NALF1: variants seen among roughly 807,000 people sequenced by gnomAD.
NALF1 encodes NALCN channel auxiliary factor 1, also known as family with sequence similarity 155 member A.
NALF1 carries 3 observed loss-of-function variants against 48.4 expected under a neutral mutation model. The ratio of observed to expected loss-of-function variants is 0.06; its 90% confidence interval spans 0.03 to 0.16. NALF1 has a LOEUF of 0.16. Ranked by LOEUF, NALF1 falls within the 10% of genes least tolerant of loss-of-function variation. The pLI is 1.00. For synonymous variants in NALF1, 262 were observed against 245.7 expected (o/e 1.07, Z -0.62); for missense variants, 526 against 571.5 (o/e 0.92, Z 0.81).
intron 1 of NALF1, among the ~76,000 whole-genome samples, chr13:107,499,695 G>A (rs1043248221): frequency 2.6e-5 from 4 of 151,940 alleles, no homozygotes; most frequent in Non-Finnish European, 4.4e-5. Flanking sequence ...AAGACCCAAG[G>A]GAAAAAATAA....
chr13:107,716,550 G>A (rs145094674), intron 1 of NALF1, among the ~76,000 whole-genome samples: 15 of 152,272 alleles, frequency 9.9e-5, no homozygotes, highest in Admixed American at 2.0e-4. Context: ...CTTTCTCTTC[G>A]CTGTCCATGT....
chr13:107,388,909 C>T (rs1883574454), intron 1 of NALF1, among the ~76,000 whole-genome samples: 1 of 152,100 alleles, frequency 6.6e-6, no homozygotes. Context: ...TAATACATTA[C>T]ACATTCATGT....
intron 1 of NALF1, among the ~76,000 whole-genome samples, chr13:107,426,038 C>T (rs967893869): frequency 6.6e-6 from 1 of 152,024 alleles, no homozygotes; most frequent in Non-Finnish European, 1.5e-5. Context: ...CATCTTTTTC[C>T]TCAGGACCTT....
At chr13:107,809,049 C>T (rs1026453997) in intron 1 of NALF1, among the ~76,000 whole-genome samples, 40 of 152,150 alleles carry the variant, frequency 2.6e-4, no homozygotes, top group African/African-American at 7.7e-4. Context: ...AAACAACTCA[C>T]TCTAGAAATC....
At chr13:107,193,916 T>TGTATTTATAAATCC (rs1215044868) in intron 2 of NALF1, among the ~76,000 whole-genome samples, 1 of 145,464 alleles carries the variant, frequency 6.9e-6, no homozygotes, top group Non-Finnish European at 1.5e-5. Context: ...GAGAGAGAGC[T>TGTATTTATAAATCC]GTATTTATAA....
intron 1 of NALF1, among the ~76,000 whole-genome samples, chr13:107,523,767 T>C (rs16970584): frequency 0.22 from 33,534 of 151,874 alleles, 3,876 homozygotes; most frequent in East Asian, 0.37. Context: ...CAAATTATTT[T>C]GGTTTGAATT....
At chr13:107,734,481 T>C (rs1364617508) in intron 1 of NALF1, among the ~76,000 whole-genome samples, 2 of 152,028 alleles carry the variant, frequency 1.3e-5, no homozygotes, top group East Asian at 3.9e-4. Context: ...CATGAAAATA[T>C]ATTTACTTTC....
intron 1 of NALF1, among the ~76,000 whole-genome samples, chr13:107,255,247 A>G (rs4492919): frequency 0.11 from 17,431 of 152,128 alleles, 1,180 homozygotes; most frequent in African/African-American, 0.17. Flanking sequence ...CCGCTTTGCT[A>G]CCTCTTTGTT....
At chr13:107,484,285 A>G (rs77657665) in intron 1 of NALF1, among the ~76,000 whole-genome samples, 221 of 152,266 alleles carry the variant, frequency 1.5e-3, no homozygotes, top group African/African-American at 4.8e-3. Flanking sequence ...AAATTGAACT[A>G]GTTTTGTGTC....
intron 1 of NALF1, among the ~76,000 whole-genome samples, chr13:107,360,320 C>T (rs1883039371): frequency 6.6e-6 from 1 of 152,110 alleles, no homozygotes; most frequent in Non-Finnish European, 1.5e-5. Context: ...CTCAGATCCC[C>T]AAAGAATTCA....
intron 1 of NALF1, among the ~76,000 whole-genome samples, chr13:107,482,293 C>T (rs539224665): frequency 6.6e-6 from 1 of 152,204 alleles, no homozygotes; most frequent in African/African-American, 2.4e-5. Flanking sequence ...GACTTGCCCA[C>T]CCTCACAGTG....
intron 1 of NALF1, among the ~76,000 whole-genome samples, chr13:107,324,120 T>C (rs1882305887): frequency 6.6e-6 from 1 of 152,150 alleles, no homozygotes; most frequent in African/African-American, 2.4e-5. Flanking sequence ...ATATTTTCTC[T>C]AGAAATTTTT....
chr13:107,615,515 C>T (rs1216378505), intron 1 of NALF1, among the ~76,000 whole-genome samples: 3 of 152,194 alleles, frequency 2.0e-5, no homozygotes, highest in African/African-American at 7.2e-5. Context: ...GCACCTATGG[C>T]CTATAAGATG....
intron 1 of NALF1, among the ~76,000 whole-genome samples, chr13:107,816,801 G>T (rs527556155): frequency 6.6e-6 from 1 of 152,048 alleles, no homozygotes; most frequent in East Asian, 1.9e-4. Flanking sequence ...TTCTTTTCAT[G>T]CGGAGTGTGT....
intron 1 of NALF1, among the ~76,000 whole-genome samples, chr13:107,671,422 G>C (rs935543150): frequency 6.6e-6 from 1 of 151,974 alleles, no homozygotes; most frequent in Non-Finnish European, 1.5e-5. Flanking sequence ...GAATGAAAAA[G>C]AGTCAGATCT....
intron 1 of NALF1, among the ~76,000 whole-genome samples, chr13:107,224,621 G>A (rs879379408): frequency 2.8e-4 from 43 of 152,118 alleles, no homozygotes; most frequent in Middle Eastern, 3.4e-3. Flanking sequence ...GTGTTTTGCC[G>A]TGCTGACTGC....
intron 1 of NALF1, among the ~76,000 whole-genome samples, chr13:107,300,154 G>A (rs1881811138): frequency 1.3e-5 from 2 of 152,188 alleles, no homozygotes; most frequent in African/African-American, 4.8e-5. Flanking sequence ...CTTAACCACT[G>A]TCTGGCAAGG....
At chr13:107,809,316 G>T (rs1017798126) in intron 1 of NALF1, among the ~76,000 whole-genome samples, 2 of 151,914 alleles carry the variant, frequency 1.3e-5, no homozygotes, top group Admixed American at 1.3e-4. Flanking sequence ...CCCTCCTCTT[G>T]TGCAATCGTT....
At chr13:107,764,377 G>A (rs1029128393) in intron 1 of NALF1, among the ~76,000 whole-genome samples, 1 of 152,046 alleles carries the variant, frequency 6.6e-6, no homozygotes, top group Non-Finnish European at 1.5e-5. Flanking sequence ...TGTTGTATGT[G>A]TATATATTAT....
Sources: gnomAD v4.1 joint callset for allele counts (sites outside exome capture counted in the v4.1 genomes callset) on GRCh38, gnomAD v4.1.1 for gene constraint, MANE v1.5 for transcripts, NCBI Gene and HGNC (gene_info 2026-07-23, HGNC 2026-07-21) for gene names.